ITPR1: variants seen among roughly 807,000 people sequenced by gnomAD.
The protein encoded by ITPR1 is inositol 1,4,5-trisphosphate-gated calcium channel ITPR1.
A neutral mutation model predicts 318.4 loss-of-function variants in ITPR1; 96 were observed. The ratio of observed to expected loss-of-function variants is 0.30; its 90% CI spans 0.26 to 0.36. The LOEUF (loss-of-function observed/expected upper bound fraction) is 0.36, where lower values mean the gene tolerates loss of function less well. Among genes scored for constraint, ITPR1 ranks in the 10% least tolerant of loss-of-function variants. The pLI, the probability that ITPR1 is intolerant of heterozygous loss-of-function variation, is 1.00. For synonymous variants in ITPR1, 1,312 were observed against 1,289.9 expected (o/e 1.02, Z -0.37); for missense variants, 2,440 against 3,460.2 (o/e 0.71, Z 7.40).
At chr3:4,622,718 A>G (rs1045984730) in intron 4 of ITPR1, among the ~76,000 whole-genome samples, 1 of 152,196 alleles carries the variant, frequency 6.6e-6, no homozygotes, top group African/African-American at 2.4e-5. Flanking sequence ...CGGCCTAAAC[A>G]TTTTAATAAG....
At chr3:4,810,512 T>A (rs2048867044) in intron 55 of ITPR1, among the ~76,000 whole-genome samples, 1 of 152,230 alleles carries the variant, frequency 6.6e-6, no homozygotes, top group Non-Finnish European at 1.5e-5. Context: ...GCAGGGGTCT[T>A]ACCCTCGCAA....
At chr3:4,569,919 A>T (rs992917336) in intron 4 of ITPR1, among the ~76,000 whole-genome samples, 8 of 152,214 alleles carry the variant, frequency 5.3e-5, no homozygotes, top group African/African-American at 1.9e-4. Flanking sequence ...TCAGGTTTCA[A>T]GGAAAGAACT....
intron 33 of ITPR1, among the ~76,000 whole-genome samples, chr3:4,694,294 A>G (rs1393260194): frequency 7.3e-6 from 1 of 136,396 alleles, no homozygotes; most frequent in Non-Finnish European, 1.5e-5. Flanking sequence ...TAAAGTATAT[A>G]TTTATGATAT....
At chr3:4,500,161 T>C (rs188621933) in intron 2 of ITPR1, among the ~76,000 whole-genome samples, 32 of 152,358 alleles carry the variant, frequency 2.1e-4, no homozygotes, top group Admixed American at 2.0e-3. Context: ...GAATCGGCCT[T>C]TTCTCCAAGG....
At chr3:4,839,537 G>A (rs2051183662) in intron 61 of ITPR1, among the ~76,000 whole-genome samples, 1 of 152,042 alleles carries the variant, frequency 6.6e-6, no homozygotes, top group Admixed American at 6.5e-5. Flanking sequence ...GCCTTTCATG[G>A]TTGACTGTTT....
chr3:4,652,703 A>G (rs1047924790), intron 11 of ITPR1, among the ~76,000 whole-genome samples: 1 of 152,204 alleles, frequency 6.6e-6, no homozygotes, highest in African/African-American at 2.4e-5. Context: ...GTCAAAAATC[A>G]CGGAAATTAA....
chr3:4,819,396 A>G (rs1188116752), intron 60 of ITPR1, among the ~76,000 whole-genome samples: 1 of 152,214 alleles, frequency 6.6e-6, no homozygotes, highest in African/African-American at 2.4e-5. Context: ...GGAGCATGTT[A>G]AAATTCACAT....
intron 60 of ITPR1, among the ~76,000 whole-genome samples, chr3:4,829,918 C>T (rs1363424159): frequency 7.1e-6 from 1 of 140,432 alleles, no homozygotes; most frequent in Admixed American, 7.1e-5. Flanking sequence ...AAGATGGGAT[C>T]CATTTTTTAG....
chr3:4,826,175 G>T lies in ITPR1; in HGVS notation c.8028+7933G>T, dbSNP rs539646375. Among the ~76,000 whole-genome samples, 1 of 152,272 alleles carries T rather than the reference G, an allele frequency of 6.6e-6. No homozygotes were observed. Among genetic ancestry groups the T allele is most frequent in the Non-Finnish European group, 1.5e-5 (1 of 68,050 alleles). ...TGGACACCTTCTGCTTCGTGCAGAT[G>T]CACGATGATGGGTTTGGGCTTTTAT... is the stretch of plus-strand genomic sequence containing the variant. On this transcript the variant is annotated intron_variant, in intron 60 of 61. Transcript: ENST00000649015. The surrounding 1 kb of genome is among the most constrained non-coding windows in gnomAD (Gnocchi z 4.2).
chr3:4,682,015 A>T (rs6782811), intron 26 of ITPR1, among the ~76,000 whole-genome samples: 1 of 152,032 alleles, frequency 6.6e-6, no homozygotes, highest in Admixed American at 6.5e-5. Context: ...CCATATGCAC[A>T]TAGTTCTTAT....
At chr3:4,654,168 C>G (rs752076288) in intron 12 of ITPR1, among the ~76,000 whole-genome samples, 8 of 152,274 alleles carry the variant, frequency 5.3e-5, no homozygotes, top group Non-Finnish European at 1.2e-4. Context: ...TTGGAAGACT[C>G]CTAGGGTTGG....
intron 4 of ITPR1, among the ~76,000 whole-genome samples, chr3:4,567,291 A>T (rs941209819): frequency 3.1e-4 from 47 of 152,274 alleles, no homozygotes; most frequent in African/African-American, 1.1e-3. Context: ...CCATTCCTGT[A>T]GCACTAGTGA....
chr3:4,634,664 T>G (rs2093124156), intron 5 of ITPR1, among the ~76,000 whole-genome samples: 1 of 152,224 alleles, frequency 6.6e-6, no homozygotes, highest in African/African-American at 2.4e-5. Context: ...TCCTCAAAGA[T>G]AACCTTGGGT....
intron 61 of ITPR1, among the ~76,000 whole-genome samples, chr3:4,845,039 C>T (rs981366125): frequency 7.9e-5 from 12 of 152,118 alleles, no homozygotes; most frequent in Admixed American, 2.6e-4. Context: ...AATAAATTTG[C>T]GTATAACCTC....
Position 4,706,126 on chromosome 3 carries a change from A to G in ITPR1, c.4658-41A>G, listed in dbSNP as rs765511045. ...TACGTCCATCTGTAGGGTGTCCCCC[A>G]TAAAAGTTGTAGGCTCACGACTCAT... On this transcript the variant is annotated intron_variant, in intron 36 of 61. Coordinates refer to ENST00000649015, the MANE Select transcript of ITPR1 (RefSeq NM_001378452.1). 5 of 1,611,578 alleles carry G rather than the reference A, an allele frequency of 3.1e-6. No individual in the cohort carries two copies. In the South Asian group the frequency reaches 4.4e-5, roughly 14 times the overall value.
chr3:4,514,100 A>G (rs1255934986), intron 2 of ITPR1, among the ~76,000 whole-genome samples: 1 of 151,668 alleles, frequency 6.6e-6, no homozygotes, highest in African/African-American at 2.4e-5. Flanking sequence ...AAAAAAAAAA[A>G]GTCTGATAGA....
intron 4 of ITPR1, among the ~76,000 whole-genome samples, chr3:4,554,074 T>G (rs1247896240): frequency 6.6e-6 from 1 of 152,214 alleles, no homozygotes; most frequent in Non-Finnish European, 1.5e-5. Flanking sequence ...AAAAGAACCT[T>G]TATTGGTATC....
intron 44 of ITPR1, among the ~76,000 whole-genome samples, chr3:4,763,395 A>T (rs963269486): frequency 7.4e-5 from 11 of 149,494 alleles, no homozygotes; most frequent in African/African-American, 2.5e-4. Flanking sequence ...TGAACAGAAT[A>T]AAAAAAAAAG....
intron 5 of ITPR1, among the ~76,000 whole-genome samples, chr3:4,633,307 C>G (rs1472794995): frequency 6.6e-6 from 1 of 152,078 alleles, no homozygotes; most frequent in Admixed American, 6.5e-5. Context: ...GGAACTTTTC[C>G]CCCTAGTGTC....
Sources: allele counts gnomAD v4.1 joint callset (sites outside exome capture counted in the v4.1 genomes callset), GRCh38; gene constraint gnomAD v4.1.1; non-coding constraint Gnocchi (gnomAD v3.1); transcripts MANE v1.5; gene names NCBI Gene and HGNC (gene_info 2026-07-23, HGNC 2026-07-21).